Variants in PIK3CA observed in about 807,000 individuals in gnomAD.
PIK3CA encodes phosphatidylinositol 4,5-bisphosphate 3-kinase catalytic subunit alpha isoform.
Under a neutral mutation model 138.2 loss-of-function variants are expected in PIK3CA, and 27 were observed. That is an observed-to-expected ratio of 0.20 (90% CI 0.14 to 0.27). The LOEUF (loss-of-function observed/expected upper bound fraction) is 0.27. Among genes scored for constraint, PIK3CA ranks in the 10% least tolerant of loss-of-function variants. The pLI, the probability that PIK3CA is intolerant of heterozygous loss-of-function variation, is 1.00. For missense variants in PIK3CA, 544 were observed against 1,277.4 expected (o/e 0.43, Z 8.75); for synonymous variants, 358 against 413.2 (o/e 0.87, Z 1.62).
At chr3:179,149,570 C>T (rs938307166) in intron 1 of PIK3CA, 2 of 152,222 alleles carry the variant, frequency 1.3e-5, no homozygotes, top group African/African-American at 2.4e-5. Context: ...TCTGCATATT[C>T]TTTAATGAAT....
intron 3 of PIK3CA, among the ~76,000 whole-genome samples, chr3:179,200,652 C>T (rs967448223): frequency 1.6e-4 from 25 of 152,078 alleles, no homozygotes; most frequent in African/African-American, 4.3e-4. Context: ...TTCATTTTCC[C>T]GAACATTCTT....
At chr3:179,167,399 C>G (rs975505151) in intron 1 of PIK3CA, among the ~76,000 whole-genome samples, 2 of 152,026 alleles carry the variant, frequency 1.3e-5, no homozygotes, top group African/African-American at 4.8e-5. Flanking sequence ...TTAAGATACT[C>G]ATATCTTCAT....
intron 4 of PIK3CA, among the ~76,000 whole-genome samples, chr3:179,201,855 C>T (rs1006154352): frequency 1.3e-5 from 2 of 152,098 alleles, no homozygotes. Context: ...ATCCACTCTC[C>T]GTGGCTTCCC....
intron 1 of PIK3CA, among the ~76,000 whole-genome samples, chr3:179,187,415 G>A (rs1434912632): frequency 2.0e-5 from 3 of 150,072 alleles, no homozygotes; most frequent in Non-Finnish European, 3.0e-5. Context: ...GCGGGCGCCT[G>A]TAGTCCCAGC....
chr3:179,177,216 C>T (rs571683688), intron 1 of PIK3CA, among the ~76,000 whole-genome samples: 8 of 151,528 alleles, frequency 5.3e-5, no homozygotes, highest in East Asian at 1.9e-4. Context: ...GTTTATGGTA[C>T]TTTTGATAGA....
chr3:179,181,063 C>G (rs1723832472), intron 1 of PIK3CA, among the ~76,000 whole-genome samples: 1 of 151,842 alleles, frequency 6.6e-6, no homozygotes, highest in African/African-American at 2.4e-5. Flanking sequence ...AAAAGACAAA[C>G]TGAGAGAACA....
rs1060500027 is a variant in PIK3CA, at chr3:179,210,507, A to G, written c.1481A>G (p.Glu494Gly). ...VKFPDMSVIE[E>G]HANWSVSREA... ...TTCCCAGATATGTCAGTGATTGAAG[A>G]GCATGCCAATTGGTCTGTATCCCGA... Residue 494 changes from glutamate to glycine, a missense_variant, in exon 9 of 21, where the codon GAG becomes GGG. Glu to Gly is a moderately conservative substitution (Grantham distance 98, BLOSUM62 -2). Transcript: ENST00000263967. The G allele has an allele frequency of 5.0e-6, 8 of 1,613,954 alleles. No individual in the cohort carries two copies. The highest frequency in any genetic ancestry group is 3.3e-5 in the South Asian group (3 of 91,080).
Position 179,196,560 on chromosome 3 carries a change from C to CA in PIK3CA, c.-76-2184dup, listed in dbSNP as rs1284312725. 2.0e-5 allele frequency among the ~76,000 whole-genome samples: 3 copies of CA among 152,110 alleles called. No homozygotes were observed. In the East Asian group the frequency reaches 5.8e-4, roughly 29 times the overall value. On this transcript the variant is annotated intron_variant, in intron 1 of 20. Coordinates refer to ENST00000263967, the MANE Select transcript of PIK3CA (RefSeq NM_006218.4). Reference sequence around the variant, plus strand: ...TTTGAAGAAAAATAGTTTCAACTATCAAAAAATATTTTTCTTATATTCTTC... The same window carrying CA: ...TTTGAAGAAAAATAGTTTCAACTATCAAAAAAATATTTTTCTTATATTCTTC...
Position 179,148,577 on chromosome 3 carries a change from G to C in PIK3CA, c.-103G>C, listed in dbSNP as rs1187333328. The C allele has an allele frequency of 6.6e-6, 1 of 152,412 alleles. No individual in the cohort carries two copies. The highest frequency in any genetic ancestry group is 1.5e-5 in the Non-Finnish European group (1 of 68,290). The allele number at this position is 152,412 out of a possible 1,614,324, so 9.4% of individuals were successfully genotyped here. On this transcript the variant is annotated 5_prime_UTR_variant, in exon 1 of 21. Coordinates refer to ENST00000263967, the MANE Select transcript of PIK3CA (RefSeq NM_006218.4). Reference sequence around the variant, plus strand: ...GGGGCTGGGACCCGATGCGGTTAGAGCCGCGGAGCCTGGAAGAGCCCCGAG... The same window carrying C: ...GGGGCTGGGACCCGATGCGGTTAGACCCGCGGAGCCTGGAAGAGCCCCGAG...
Position 179,204,527 on chromosome 3 carries a change from C to A in PIK3CA, c.1084C>A (p.His362Asn), listed in dbSNP as rs2108394343. ...DKIYVRTGIYHGGEPLCDNVN... is the reference protein window; with the variant it reads ...DKIYVRTGIYNGGEPLCDNVN... Reference sequence around the variant, plus strand: ...GATCTATGTTCGAACAGGTATCTACCATGGAGGAGAACCCTTATGTGACAA... The same window carrying A: ...GATCTATGTTCGAACAGGTATCTACAATGGAGGAGAACCCTTATGTGACAA... The change falls in exon 6 of 21, where the codon CAT becomes AAT. Residue 362 changes from histidine (H) to asparagine (N), a missense_variant. Physicochemically the swap from His to Asn is moderately conservative, Grantham distance 68. This residue lies in a region of PIK3CA where 234 missense variants were observed against 401.3 expected (regional missense o/e 0.58). Transcript: ENST00000263967. 6.3e-7 allele frequency: 1 copy of A among 1,584,904 alleles called. No homozygotes were observed. The highest frequency in any genetic ancestry group is 8.7e-7 in the Non-Finnish European group (1 of 1,154,012).
In PIK3CA at chr3:179,238,264, A is replaced by C. The variant is rs529595744; in HGVS notation, c.*3900A>C. Reference sequence around the variant, plus strand: ...AGCATTGACAGCATCCTCAATTAATAATTCTTGGTGACAGAATAATACAGC... The same window carrying C: ...AGCATTGACAGCATCCTCAATTAATCATTCTTGGTGACAGAATAATACAGC... On this transcript the variant is annotated 3_prime_UTR_variant, in exon 21 of 21. Transcript: ENST00000263967. 27 of 219,472 alleles carry C rather than the reference A, an allele frequency of 1.2e-4. No homozygotes were observed. The highest frequency in any genetic ancestry group is 5.8e-4 in the African/African-American group (26 of 44,710). 13.6% of individuals were successfully genotyped at this position (219,472 alleles called of 1,614,324 possible).
chr3:179,199,172 A>C lies in PIK3CA; in HGVS notation c.347A>C (p.Glu116Ala). The change falls in exon 2 of 21, where the codon GAA (glutamate) becomes GCA (alanine). Residue 116 changes from glutamate to alanine, a missense_variant. By Grantham distance (107) the Glu-to-Ala change is moderately radical. Transcript: ENST00000263967. ...CGTGAAGAAAAGATCCTCAATCGAG[A>C]AATTGGTATGATACAATATCCTATT... ...GNREEKILNR[E>A]IGFAIGMPVC... 1 of 1,558,658 alleles carries C rather than the reference A, an allele frequency of 6.4e-7. No individual in the cohort carries two copies. Among genetic ancestry groups the C allele is most frequent in the Non-Finnish European group, 8.7e-7 (1 of 1,153,508 alleles).
intron 1 of PIK3CA, among the ~76,000 whole-genome samples, chr3:179,150,483 AGT>A (rs755237242): frequency 9.2e-5 from 14 of 152,156 alleles, no homozygotes; most frequent in Non-Finnish European, 1.3e-4. Context: ...AATATAGAAG[AGT>A]GTTTTTATTT....
At chr3:179,233,979 T>C (rs1725273976) in intron 20 of PIK3CA, 115 bp from the exon 21 acceptor site, 3 of 681,928 alleles carry the variant, frequency 4.4e-6, no homozygotes, top group Non-Finnish European at 7.4e-6. Flanking sequence ...AGGAATGCTA[T>C]TTTTTTATAG....
chr3:179,186,124 G>C (rs1723976382), intron 1 of PIK3CA, among the ~76,000 whole-genome samples: 1 of 152,206 alleles, frequency 6.6e-6, no homozygotes, highest in Non-Finnish European at 1.5e-5. Context: ...CAACTCATTA[G>C]CATACAGAAA....
At position 179,154,199 on chromosome 3, in the gene PIK3CA, G is replaced by A. The variant is rs1723077120; in HGVS notation, c.-77+5596G>A. Among the ~76,000 whole-genome samples, 5 of 152,262 alleles carry A rather than the reference G, an allele frequency of 3.3e-5. No individual in the cohort carries two copies. The South Asian group carries it at 1.0e-3, about 32-fold the overall frequency. The stretch of plus-strand genomic sequence containing the variant: ...ATACGTATTAGAGAGCTCTGGTTTA[G>A]ATGCCTAAAACGGGTCCTCCTGGCC... On this transcript the variant is annotated intron_variant, in intron 1 of 20. Coordinates refer to ENST00000263967, the MANE Select transcript of PIK3CA (RefSeq NM_006218.4).
At chr3:179,188,239 G>T (rs1724041480) in intron 1 of PIK3CA, among the ~76,000 whole-genome samples, 1 of 152,150 alleles carries the variant, frequency 6.6e-6, no homozygotes, top group South Asian at 2.1e-4. Flanking sequence ...TTTGCTACAG[G>T]TGTTGCTAAA....
rs200671228 is a variant in PIK3CA, at chr3:179,225,967, C to T, written c.2422C>T (p.Arg808Trp). 24 of 1,550,246 alleles carry T rather than the reference C, an allele frequency of 1.5e-5. No homozygotes were observed. The highest frequency in any genetic ancestry group is 1.9e-5 in the Non-Finnish European group (21 of 1,126,036). ...ACATATTATTTGAATTTCAGATTTA[C>T]GGCAAGATATGCTAACACTTCAAAT... Reference protein sequence around the residue: ...EIIFKNGDDLRQDMLTLQIIR... With the variant: ...EIIFKNGDDLWQDMLTLQIIR... Residue 808 changes from arginine to tryptophan, a missense_variant, in exon 17 of 21, where the codon CGG (arginine) becomes TGG (tryptophan). By Grantham distance (101) the Arg-to-Trp change is moderately radical (BLOSUM62 -3). Coordinates refer to ENST00000263967, the MANE Select transcript of PIK3CA (RefSeq NM_006218.4).
chr3:179,157,223 C>A (rs115920312), intron 1 of PIK3CA, among the ~76,000 whole-genome samples: 3,760 of 152,164 alleles, frequency 0.025, 169 homozygotes, highest in African/African-American at 0.086. Context: ...TGAAGCTTTT[C>A]TTAAAATCTA....
Sources: allele counts gnomAD v4.1 joint callset (sites outside exome capture counted in the v4.1 genomes callset), GRCh38; gene constraint gnomAD v4.1.1; regional missense constraint gnomAD v4.1.1; transcripts MANE v1.5; gene names NCBI Gene and HGNC (gene_info 2026-07-23, HGNC 2026-07-21).